The following AUTS2 variants were observed in gnomAD, a reference collection of about 807,000 sequenced individuals.
AUTS2 encodes the protein autism susceptibility gene 2 protein.
In AUTS2, 17 loss-of-function variants were observed where a neutral mutation model predicts 112.4. That is an observed-to-expected ratio of 0.15 (90% CI 0.10 to 0.23). The LOEUF is 0.23. AUTS2 is among the 10% of genes least tolerant of loss of function. The probability of loss-of-function intolerance (pLI) is 1.00; values close to 1 mark genes in which losing one functional copy is unlikely to be tolerated. For missense variants in AUTS2, 1,510 were observed against 1,701.6 expected (o/e 0.89, Z 1.98); for synonymous variants, 751 against 702.7 (o/e 1.07, Z -1.09).
At chr7:69,819,762 C>T (rs1290818121) in intron 1 of AUTS2, among the ~76,000 whole-genome samples, 1 of 152,206 alleles carries the variant, frequency 6.6e-6, no homozygotes. Flanking sequence ...GGACCATAGG[C>T]ACATGCCACT....
intron 1 of AUTS2, among the ~76,000 whole-genome samples, chr7:69,660,546 G>A (rs1233870587): frequency 1.3e-5 from 2 of 152,190 alleles, no homozygotes; most frequent in African/African-American, 4.8e-5. Flanking sequence ...CTTATTTTGA[G>A]TGGAGGTGGT....
chr7:70,427,892 C>A (rs7786019), intron 4 of AUTS2, among the ~76,000 whole-genome samples: 10,818 of 152,152 alleles, frequency 0.071, 477 homozygotes, highest in East Asian at 0.14. Flanking sequence ...TTATCAGTAC[C>A]GAATTCCAGA....
chr7:70,537,630 A>T (rs912256550), intron 5 of AUTS2, among the ~76,000 whole-genome samples: 4 of 152,172 alleles, frequency 2.6e-5, no homozygotes, highest in Non-Finnish European at 4.4e-5. Context: ...GATCTGAGAG[A>T]TCTCATGCTT....
At chr7:70,334,394 G>C (rs73173525) in intron 4 of AUTS2, among the ~76,000 whole-genome samples, 3,471 of 152,310 alleles carry the variant, frequency 0.023, 59 homozygotes, top group South Asian at 0.072. Context: ...CAGATACAGA[G>C]AAATGCGATT....
intron 4 of AUTS2, among the ~76,000 whole-genome samples, chr7:70,350,193 A>G (rs891243793): frequency 2.0e-5 from 3 of 152,258 alleles, no homozygotes; most frequent in Admixed American, 6.5e-5. Context: ...GTTAACTAGT[A>G]AACAAGTTTC....
In AUTS2 at chr7:70,643,135, T is replaced by A. The variant is rs117610310; in HGVS notation, c.691-55434T>A. Among the ~76,000 whole-genome samples, 110 of 152,350 alleles carry A rather than the reference T, an allele frequency of 7.2e-4. 1 individual carries two copies. In the East Asian group the frequency reaches 0.021, roughly 29 times the overall value. ...AGCCTCCACAGATTCCAAGATTATG[T>A]CCACTCTGATGGCTCTCGCCACTTT... On this transcript the variant is annotated intron_variant, in intron 5 of 18. Coordinates refer to ENST00000342771, the MANE Select transcript of AUTS2 (RefSeq NM_015570.4).
At position 70,791,248 on chromosome 7, in the gene AUTS2, T is replaced by C. The variant is rs951825853; in HGVS notation, c.*252T>C. ...TTTTTGTTTCTCGTATAAAACTTTT[T>C]GATTTGAACCAAAACAGTGAAGATG... On this transcript the variant is annotated 3_prime_UTR_variant, in exon 19 of 19. Transcript: ENST00000342771. The C allele has an allele frequency of 5.7e-6, 2 of 353,710 alleles. No homozygotes were observed. The highest frequency in any genetic ancestry group is 4.8e-5 in the Admixed American group (1 of 20,852). The allele number at this position is 353,710 out of a possible 1,614,324, so 21.9% of individuals were successfully genotyped here. A position where few individuals can be genotyped will look rare whatever the true frequency, so the allele number is the denominator to read the frequency against.
intron 1 of AUTS2, among the ~76,000 whole-genome samples, chr7:69,769,093 A>G (rs1460169971): frequency 6.6e-6 from 1 of 152,250 alleles, no homozygotes; most frequent in Non-Finnish European, 1.5e-5. Context: ...GATGTCTTGC[A>G]AATCTGATAA....
chr7:70,021,499 C>A (rs1375002015), intron 2 of AUTS2, among the ~76,000 whole-genome samples: 1 of 152,078 alleles, frequency 6.6e-6, no homozygotes, highest in African/African-American at 2.4e-5. Context: ...GATGGGGCAT[C>A]CTGAATTCAT....
intron 1 of AUTS2, among the ~76,000 whole-genome samples, chr7:69,874,811 AC>A (rs1793658037): frequency 6.6e-6 from 1 of 151,966 alleles, no homozygotes; most frequent in Non-Finnish European, 1.5e-5. Context: ...GGCATGCACC[AC>A]CATGCCCAGC....
chr7:70,329,475 G>A (rs916160451), intron 4 of AUTS2, among the ~76,000 whole-genome samples: 1 of 151,940 alleles, frequency 6.6e-6, no homozygotes, highest in Non-Finnish European at 1.5e-5. Context: ...CCACTCTTAT[G>A]GGTATGAAGT....
chr7:70,106,912 T>G (rs889630988), intron 2 of AUTS2, among the ~76,000 whole-genome samples: 65 of 148,454 alleles, frequency 4.4e-4, no homozygotes, highest in African/African-American at 1.4e-3. Flanking sequence ...AAAGGAGTGG[T>G]TTTTTTTTTA....
chr7:69,872,621 T>C (rs1793547763), intron 1 of AUTS2, among the ~76,000 whole-genome samples: 1 of 152,102 alleles, frequency 6.6e-6, no homozygotes, highest in South Asian at 2.1e-4. Flanking sequence ...TGTTGTCTCC[T>C]GAGAAAGTAG....
At chr7:70,112,912 T>A (rs1179058116) in intron 2 of AUTS2, among the ~76,000 whole-genome samples, 1 of 152,118 alleles carries the variant, frequency 6.6e-6, no homozygotes, top group Non-Finnish European at 1.5e-5. Context: ...TTGCCACTTT[T>A]CTTATTTTCT....
intron 4 of AUTS2, among the ~76,000 whole-genome samples, chr7:70,341,942 G>T (rs1467113560): frequency 9.9e-5 from 15 of 152,192 alleles, no homozygotes; most frequent in Non-Finnish European, 1.5e-5. Flanking sequence ...CTTTCATTTT[G>T]AAATGGGAGA....
At chr7:70,367,680 A>T (rs746223122) in intron 4 of AUTS2, among the ~76,000 whole-genome samples, 1 of 152,210 alleles carries the variant, frequency 6.6e-6, no homozygotes, top group Non-Finnish European at 1.5e-5. Flanking sequence ...CATCAAAGGA[A>T]GCAGTCAGAG....
intron 5 of AUTS2, among the ~76,000 whole-genome samples, chr7:70,686,773 T>C (rs910008593): frequency 4.1e-4 from 63 of 152,290 alleles, no homozygotes; most frequent in African/African-American, 1.5e-3. Flanking sequence ...CCTCAGGTGA[T>C]CTGCCCACCT....
At chr7:70,520,704 T>C (rs1212801031) in intron 5 of AUTS2, among the ~76,000 whole-genome samples, 1 of 152,222 alleles carries the variant, frequency 6.6e-6, no homozygotes, top group Non-Finnish European at 1.5e-5. Flanking sequence ...GTCTGGGTGC[T>C]CACTGCCCCT....
intron 5 of AUTS2, among the ~76,000 whole-genome samples, chr7:70,539,327 C>T (rs903241974): frequency 5.9e-5 from 9 of 152,190 alleles, no homozygotes; most frequent in Non-Finnish European, 1.3e-4. Flanking sequence ...TCTCTCCAGC[C>T]AGTTTGGTCT....
Sources: gnomAD v4.1 joint callset for allele counts (sites outside exome capture counted in the v4.1 genomes callset) on GRCh38, gnomAD v4.1.1 for gene constraint, MANE v1.5 for transcripts, NCBI Gene and HGNC (gene_info 2026-07-23, HGNC 2026-07-21) for gene names.